TTC34: variants seen among roughly 807,000 people sequenced by gnomAD.
TTC34 encodes tetratricopeptide repeat domain 34.
TTC34 carries 44 observed loss-of-function variants against 40.7 expected under a neutral mutation model. The observed-to-expected ratio is 1.08, with a 90% CI of 0.85 to 1.39. The LOEUF (loss-of-function observed/expected upper bound fraction) is 1.39, where lower values mean the gene tolerates loss of function less well. Ranked by LOEUF, TTC34 falls within the 40% of genes most tolerant of loss-of-function variation. The probability of loss-of-function intolerance (pLI) is 0.00; values close to 1 mark genes in which losing one functional copy is unlikely to be tolerated. For synonymous variants in TTC34, 422 were observed against 398.6 expected, an observed-to-expected ratio of 1.06 and a Z score of -0.70; for missense variants, 884 against 838.0, an observed-to-expected ratio of 1.05 and a Z score of -0.68.
chr1:2,681,799 C>G, intron 6 of TTC34, among the ~76,000 whole-genome samples: 2 of 122,408 alleles, frequency 1.6e-5, no homozygotes, highest in Admixed American at 8.0e-5. Flanking sequence ...AGGTGAGCAT[C>G]TGATGGTTTG....
chr1:2,772,694 CA>C (rs1642417329), intron 6 of TTC34, among the ~76,000 whole-genome samples: 1 of 27,882 alleles, frequency 3.6e-5, no homozygotes, highest in Non-Finnish European at 8.3e-5. Flanking sequence ...ACTCCACACC[CA>C]CAGGTGAGCA....
chr1:2,790,745 G>A (rs567414000), intron 2 of TTC34, among the ~76,000 whole-genome samples: 165 of 152,348 alleles, frequency 1.1e-3, no homozygotes, highest in Non-Finnish European at 1.5e-4. Flanking sequence ...CTGGGAATCA[G>A]TGCCCCTCCA....
chr1:2,787,721 G>A lies in TTC34; in HGVS notation c.1629-15C>T. The A allele has an allele frequency of 6.6e-7, 1 of 1,509,436 alleles. No individual in the cohort carries two copies. Among genetic ancestry groups the A allele is most frequent in the Non-Finnish European group, 8.9e-7 (1 of 1,119,866 alleles). 93.5% of individuals were successfully genotyped at this position (1,509,436 alleles called of 1,614,324 possible). The stretch of plus-strand genomic sequence containing the variant: ...CGCAGGCGACCCTGTGTGGAGATCA[G>A]CTCAGGGGGGCATGCCCCTTTTGAC... On this transcript the variant is annotated splice_polypyrimidine_tract_variant and intron_variant, in intron 3 of 8. Coordinates refer to ENST00000401095, the Ensembl canonical transcript of TTC34.
At chr1:2,684,756 A>T (rs75600997) in intron 6 of TTC34, among the ~76,000 whole-genome samples, 3 of 14,364 alleles carry the variant, frequency 2.1e-4, no homozygotes, top group African/African-American at 1.8e-3. Context: ...AGCACCAAAA[A>T]CCCCAGGTGA....
chr1:2,676,941 T>A (rs1320513083), intron 6 of TTC34, among the ~76,000 whole-genome samples: 40 of 148,654 alleles, frequency 2.7e-4, no homozygotes, highest in Non-Finnish European at 4.3e-4. Context: ...CAGGTGAGCA[T>A]CTGACAGCAT....
chr1:2,789,649 G>A, exon 3 of TTC34: 1 of 1,340,156 alleles, frequency 7.5e-7, no homozygotes, highest in Non-Finnish European at 9.6e-7. Context: ...TCCAGGGCAC[G>A]TAGGCCTTGG....
At chr1:2,644,066 G>T (rs1295827011) in intron 8 of TTC34, among the ~76,000 whole-genome samples, 198 bp downstream of exon 8, 1 of 152,244 alleles carries the variant, frequency 6.6e-6, no homozygotes, top group African/African-American at 2.4e-5. Context: ...TGAGAGGTCG[G>T]TGGGGTTGTA....
At chr1:2,677,797 A>C (rs1372987652) in intron 6 of TTC34, among the ~76,000 whole-genome samples, 1 of 2,374 alleles carries the variant, frequency 4.2e-4, no homozygotes, top group Non-Finnish European at 7.8e-4. Flanking sequence ...TGACCGCATC[A>C]CATGGCATCC....
chr1:2,641,621 G>A, exon 9 of TTC34: 1 of 1,534,632 alleles, frequency 6.5e-7, no homozygotes, highest in Non-Finnish European at 8.7e-7. Context: ...GGCCCCTGCG[G>A]CCGCCGCCTC....
At chr1:2,676,966 C>T (rs956317975) in intron 6 of TTC34, among the ~76,000 whole-genome samples, 1 of 122,794 alleles carries the variant, frequency 8.1e-6, no homozygotes, top group Non-Finnish European at 1.8e-5. Context: ...CAGCACCCTG[C>T]ACCCCCAGGT....
intron 6 of TTC34, among the ~76,000 whole-genome samples, chr1:2,687,109 G>A (rs1405792026): frequency 4.1e-5 from 6 of 145,124 alleles, no homozygotes; most frequent in Admixed American, 2.7e-4. Flanking sequence ...CGACATCGTG[G>A]AGTAGCACCC....
At chr1:2,685,158 A>C (rs375089293) in intron 6 of TTC34, among the ~76,000 whole-genome samples, 910 of 14,238 alleles carry the variant, frequency 0.064, 1 homozygote, top group East Asian at 0.077. Context: ...AGCACCCACA[A>C]CCCCACGTGA....
At chr1:2,644,410 G>T (rs924988953) in exon 8 of TTC34, 1 of 1,536,036 alleles carries the variant, frequency 6.5e-7, no homozygotes. Context: ...AGCCGGGCCC[G>T]GGCTGCCTCT....
chr1:2,675,093 A>C (rs1639850894), intron 6 of TTC34, among the ~76,000 whole-genome samples: 4 of 126,734 alleles, frequency 3.2e-5, no homozygotes, highest in Admixed American at 8.0e-5. Flanking sequence ...CCAGGCGAGC[A>C]TCTGACAGCC....
chr1:2,797,026 C>A (rs1175507485), intron 2 of TTC34, among the ~76,000 whole-genome samples: 3 of 152,144 alleles, frequency 2.0e-5, no homozygotes. Flanking sequence ...GATCCGTCAC[C>A]CCACGGGCTC....
At chr1:2,641,283 G>A in exon 9 of TTC34, 2 of 1,406,730 alleles carry the variant, frequency 1.4e-6, no homozygotes, top group South Asian at 1.5e-5. Context: ...CCGATTTAGG[G>A]AGCTGGGTAC....
exon 8 of TTC34, chr1:2,644,317 G>C (rs781222889): frequency 6.5e-7 from 1 of 1,535,778 alleles, no homozygotes; most frequent in Non-Finnish European, 8.7e-7. Context: ...AGGCAGCTGA[G>C]ATCCGGGGCA....
chr1:2,686,790 T>G (rs796236276), intron 6 of TTC34, among the ~76,000 whole-genome samples: 1,378 of 24,000 alleles, frequency 0.057, no homozygotes, highest in Middle Eastern at 0.2. Flanking sequence ...ACAGCCTGGA[T>G]CAGCACCCAC....
At chr1:2,777,490 G>T (rs1275816251) in intron 6 of TTC34, among the ~76,000 whole-genome samples, 1 of 151,834 alleles carries the variant, frequency 6.6e-6, no homozygotes, top group Non-Finnish European at 1.5e-5. Context: ...AATATGTGCT[G>T]TCCTTTTCCA....
Sources: allele counts gnomAD v4.1 joint callset (sites outside exome capture counted in the v4.1 genomes callset), GRCh38; gene constraint gnomAD v4.1.1; transcripts MANE v1.5; gene names NCBI Gene and HGNC (gene_info 2026-07-23, HGNC 2026-07-21).